RASA2: variants seen among roughly 807,000 people sequenced by gnomAD.
The protein encoded by RASA2 is ras GTPase-activating protein 2.
A neutral mutation model predicts 118.2 loss-of-function variants in RASA2; 155 were observed. The ratio of observed to expected loss-of-function variants is 1.31; its 90% CI spans 1.15 to 1.50. The LOEUF is 1.50. Among genes scored for constraint, RASA2 ranks in the 40% most tolerant of loss-of-function variants. RASA2 has a pLI of 0.00. For synonymous variants in RASA2, 353 were observed against 349.1 expected (o/e 1.01, Z -0.12); for missense variants, 1,016 against 1,009.6 (o/e 1.01, Z -0.09).
intron 3 of RASA2, chr3:141,526,270 C>G (rs1035924563): frequency 5.3e-5 from 8 of 152,126 alleles, no homozygotes; most frequent in African/African-American, 1.9e-4. Flanking sequence ...CTGTGTCGGG[C>G]TGCCTACCTT....
intron 1 of RASA2, among the ~76,000 whole-genome samples, chr3:141,490,122 C>T (rs1157285907): frequency 1.3e-5 from 2 of 151,732 alleles, no homozygotes; most frequent in South Asian, 2.1e-4. Context: ...CTGCAGTTTG[C>T]GCTAGGAAAC....
At chr3:141,562,333 A>AG (rs1188765639) in intron 9 of RASA2, among the ~76,000 whole-genome samples, 1 of 151,226 alleles carries the variant, frequency 6.6e-6, no homozygotes, top group Non-Finnish European at 1.5e-5. Context: ...AAAAAAAAAA[A>AG]AAGAAATAGG....
intron 3 of RASA2, among the ~76,000 whole-genome samples, chr3:141,526,848 C>G (rs2082192361): frequency 6.6e-6 from 1 of 152,198 alleles, no homozygotes; most frequent in South Asian, 2.1e-4. Flanking sequence ...ACATTCAACT[C>G]TTCAGTGACA....
At chr3:141,554,911 C>T (rs1194126514) in intron 6 of RASA2, among the ~76,000 whole-genome samples, 3 of 152,014 alleles carry the variant, frequency 2.0e-5, no homozygotes, top group Non-Finnish European at 2.9e-5. Flanking sequence ...TAATCTCTAC[C>T]TGACAAATTA....
intron 3 of RASA2, among the ~76,000 whole-genome samples, chr3:141,519,237 G>GC (rs2082074877): frequency 6.6e-6 from 1 of 151,980 alleles, no homozygotes; most frequent in Non-Finnish European, 1.5e-5. Context: ...GATGTCATGG[G>GC]CATAACCATT....
At chr3:141,553,799 A>G (rs1340142060) in intron 5 of RASA2, 58 bp from the exon 6 acceptor site, 8 of 1,569,414 alleles carry the variant, frequency 5.1e-6, no homozygotes. Context: ...TTTAAAGATA[A>G]TGTTTTATCT....
intron 19 of RASA2, among the ~76,000 whole-genome samples, chr3:141,598,458 A>C (rs1045955069): frequency 6.6e-6 from 1 of 152,224 alleles, no homozygotes; most frequent in South Asian, 2.1e-4. Context: ...ATAATCTCCT[A>C]AATCTGATCA....
At chr3:141,566,198 A>G (rs925810505) in intron 9 of RASA2, among the ~76,000 whole-genome samples, 2 of 152,252 alleles carry the variant, frequency 1.3e-5, no homozygotes, top group African/African-American at 2.4e-5. Flanking sequence ...TATCATTTTG[A>G]TGATTAATGG....
At chr3:141,530,011 G>T (rs190798253) in intron 4 of RASA2, among the ~76,000 whole-genome samples, 1 of 152,120 alleles carries the variant, frequency 6.6e-6, no homozygotes, top group African/African-American at 2.4e-5. Flanking sequence ...ATGCATATGT[G>T]TAGATTTGTG....
At chr3:141,585,872 A>C (rs2083192914) in intron 17 of RASA2, among the ~76,000 whole-genome samples, 153 bp from the exon 18 acceptor site, 1 of 152,178 alleles carries the variant, frequency 6.6e-6, no homozygotes, top group Admixed American at 6.5e-5. Flanking sequence ...TTTCCTCTCT[A>C]ATTAAATATG....
In RASA2 at chr3:141,573,172, A is replaced by T; in HGVS notation, c.1310A>T (p.Glu437Val). ...DEICDSSKSCEIDPIKLKEGD... is the reference protein window; with the variant it reads ...DEICDSSKSCVIDPIKLKEGD... ...ATATGTGACTCCTCAAAATCCTGTG[A>T]AATCGATCCTATTAAATTGAAAGAG... is the stretch of plus-strand genomic sequence containing the variant. Residue 437 changes from glutamate to valine, a missense_variant, in exon 13 of 24, where the codon GAA (glutamate) becomes GTA (valine). Coordinates refer to ENST00000286364, the MANE Select transcript of RASA2 (RefSeq NM_006506.5). 1 of 1,544,768 alleles carries T rather than the reference A, an allele frequency of 6.5e-7. No individual in the cohort carries two copies. Among genetic ancestry groups the T allele is most frequent in the East Asian group, 2.4e-5 (1 of 41,122 alleles).
At chr3:141,509,126 A>G (rs1277087020) in intron 1 of RASA2, among the ~76,000 whole-genome samples, 2 of 152,222 alleles carry the variant, frequency 1.3e-5, no homozygotes, top group African/African-American at 4.8e-5. Flanking sequence ...ACATATTTGT[A>G]CAATTGATTG....
In RASA2 at chr3:141,553,879, CCT is replaced by C. The variant is rs2151113819; in HGVS notation, c.554_555del (p.Leu185HisfsTer7). The C allele has an allele frequency of 6.2e-7, 1 of 1,611,672 alleles. No homozygotes were observed. Among genetic ancestry groups the C allele is most frequent in the Non-Finnish European group, 8.5e-7 (1 of 1,178,618 alleles). ...TAGCATCAAGGCATGCCATGGGTTG[CCT>C]CTCATAAATGGCCAAAGCTGTGACC... ...VVHIKACHGL[P>X]LINGQSCDPY... On this transcript the variant is annotated frameshift_variant, in exon 6 of 24. Coordinates refer to ENST00000286364, the MANE Select transcript of RASA2 (RefSeq NM_006506.5). LOFTEE classifies it high-confidence loss of function.
At chr3:141,580,088 ATAT>A (rs2083085548) in intron 15 of RASA2, among the ~76,000 whole-genome samples, 15 of 78,996 alleles carry the variant, frequency 1.9e-4, no homozygotes, top group African/African-American at 7.0e-4. Context: ...AAAAAAAAAT[ATAT>A]ATATATATAT....
At chr3:141,611,038 T>TA (rs766001193) in intron 23 of RASA2, among the ~76,000 whole-genome samples, 25 of 152,306 alleles carry the variant, frequency 1.6e-4, no homozygotes, top group Admixed American at 1.4e-3. Flanking sequence ...ATTGGGAACT[T>TA]ACTCCAGCAA....
intron 5 of RASA2, among the ~76,000 whole-genome samples, chr3:141,552,883 A>G (rs933287039): frequency 6.6e-6 from 1 of 152,176 alleles, no homozygotes; most frequent in Non-Finnish European, 1.5e-5. Flanking sequence ...AACACTCATG[A>G]GTTTCTCTTA....
intron 9 of RASA2, among the ~76,000 whole-genome samples, chr3:141,566,178 G>A (rs1216867336): frequency 6.6e-6 from 1 of 152,232 alleles, no homozygotes; most frequent in African/African-American, 2.4e-5. Flanking sequence ...GAGTGATAGA[G>A]TTATAAAATT....
intron 5 of RASA2, among the ~76,000 whole-genome samples, chr3:141,542,562 C>T (rs2151103795): frequency 6.6e-6 from 1 of 152,200 alleles, no homozygotes; most frequent in East Asian, 1.9e-4. Context: ...AAGGATAGTA[C>T]AGAGAGGTCC....
chr3:141,549,344 TA>T (rs2082535635), intron 5 of RASA2, among the ~76,000 whole-genome samples: 1 of 152,150 alleles, frequency 6.6e-6, no homozygotes, highest in South Asian at 2.1e-4. Context: ...ATCTCTGTCC[TA>T]AAAGGCATGC....
Sources: allele counts gnomAD v4.1 joint callset (sites outside exome capture counted in the v4.1 genomes callset), GRCh38; gene constraint gnomAD v4.1.1; transcripts MANE v1.5; gene names NCBI Gene and HGNC (gene_info 2026-07-23, HGNC 2026-07-21).